DIAPH2: variants seen among roughly 807,000 people sequenced by gnomAD.
DIAPH2 encodes the protein protein diaphanous homolog 2.
DIAPH2 carries 35 observed loss-of-function variants against 92.7 expected under a neutral mutation model. The observed-to-expected ratio is 0.38, with a 90% CI of 0.29 to 0.50. The LOEUF (loss-of-function observed/expected upper bound fraction) is 0.50. Ranked by LOEUF, DIAPH2 falls within the 20% of genes least tolerant of loss-of-function variation. DIAPH2 has a pLI of 0.94. For synonymous variants in DIAPH2, 301 were observed against 280.4 expected, an observed-to-expected ratio of 1.07 and a Z score of -0.73; for missense variants, 701 against 819.5, an observed-to-expected ratio of 0.86 and a Z score of 1.77.
At chrX:97,139,299 A>C (rs2067193675) in intron 21 of DIAPH2, among the ~76,000 whole-genome samples, 1 of 108,145 alleles carries the variant, frequency 9.2e-6, no homozygotes, top group Non-Finnish European at 1.9e-5. Context: ...ATAAGTAAAA[A>C]ATATTTTCCA....
At chrX:97,102,890 A>G (rs1401888452) in intron 20 of DIAPH2, among the ~76,000 whole-genome samples, 1 of 111,443 alleles carries the variant, frequency 9.0e-6, no homozygotes, top group Non-Finnish European at 1.9e-5. Context: ...CAGTGAGCTG[A>G]CATCAGGCCA....
At chrX:97,052,078 A>G (rs1458631335) in intron 17 of DIAPH2, among the ~76,000 whole-genome samples, 1 of 111,517 alleles carries the variant, frequency 9.0e-6, no homozygotes, top group East Asian at 2.8e-4. Context: ...TAGGAGCTTA[A>G]TGTTCAAGAA....
intron 17 of DIAPH2, among the ~76,000 whole-genome samples, chrX:97,066,996 G>C (rs2066638181): frequency 9.0e-6 from 1 of 111,543 alleles, no homozygotes; most frequent in Non-Finnish European, 1.9e-5. Context: ...GTACTATGCA[G>C]GTGTCAGAAT....
intron 4 of DIAPH2, among the ~76,000 whole-genome samples, chrX:96,867,366 G>A (rs937172538): frequency 2.7e-4 from 30 of 110,687 alleles, no homozygotes; most frequent in African/African-American, 8.2e-4. Flanking sequence ...TTACAGGCGC[G>A]TGCCACCATG....
At chrX:96,686,286 G>A (rs1465017064) in intron 1 of DIAPH2, among the ~76,000 whole-genome samples, 1 of 111,260 alleles carries the variant, frequency 9.0e-6, no homozygotes, top group Non-Finnish European at 1.9e-5. Context: ...CAAAACTGTG[G>A]TTTAATCAGT....
Position 96,935,346 on chromosome X carries a change from A to G in DIAPH2, c.1090-1887A>G, listed in dbSNP as rs1461333314. On this transcript the variant is annotated intron_variant, in intron 10 of 26. Transcript: ENST00000324765. ...GGAAGTTTCATAAAGATAAACATAT[A>G]TATGTGTATGTATATATGAATATAT... Among the ~76,000 whole-genome samples, 2 of 111,558 alleles carry G rather than the reference A, an allele frequency of 1.8e-5. 1 individual carries two copies. Among genetic ancestry groups the G allele is most frequent in the African/African-American group, 6.5e-5 (2 of 30,786 alleles).
At chrX:97,048,722 A>G (rs2066500756) in intron 17 of DIAPH2, among the ~76,000 whole-genome samples, 1 of 110,039 alleles carries the variant, frequency 9.1e-6, no homozygotes, top group Non-Finnish European at 1.9e-5. Context: ...TGTAAGCAAG[A>G]CCTCTCCTTT....
chrX:96,831,151 T>A (rs981732563), intron 4 of DIAPH2, among the ~76,000 whole-genome samples: 1 of 111,539 alleles, frequency 9.0e-6, no homozygotes, highest in African/African-American at 3.3e-5. Context: ...GGATGCCTTT[T>A]CCCTAGGTTT....
At chrX:97,176,639 T>C (rs1474065814) in intron 22 of DIAPH2, among the ~76,000 whole-genome samples, 2 of 111,280 alleles carry the variant, frequency 1.8e-5, no homozygotes, top group Non-Finnish European at 3.8e-5. Context: ...GCCATTGTCC[T>C]GCCTCAGCCT....
chrX:97,476,364 G>A (rs751059876), intron 26 of DIAPH2, among the ~76,000 whole-genome samples: 1 of 111,901 alleles, frequency 8.9e-6, no homozygotes, highest in Non-Finnish European at 1.9e-5. Context: ...AAAAATGAGT[G>A]AAGTTCAGCT....
intron 4 of DIAPH2, among the ~76,000 whole-genome samples, chrX:96,825,354 C>CTTTTT (rs57788752): frequency 1.2e-5 from 1 of 82,579 alleles, no homozygotes; most frequent in African/African-American, 4.1e-5. Flanking sequence ...CATGTGTTTT[C>CTTTTT]TTTTTTTTTT....
At chrX:97,349,052 T>A (rs5921796) in intron 24 of DIAPH2, among the ~76,000 whole-genome samples, 4 of 101,247 alleles carry the variant, frequency 4.0e-5, no homozygotes, top group African/African-American at 1.5e-4. Context: ...ATATGTGTAT[T>A]TATATATGTG....
At chrX:97,437,938 T>C (rs1602589202) in intron 26 of DIAPH2, among the ~76,000 whole-genome samples, 2 of 105,797 alleles carry the variant, frequency 1.9e-5, no homozygotes, top group African/African-American at 6.9e-5. Flanking sequence ...ATTTAAGAGG[T>C]AAATAGAGAA....
chrX:97,101,696 T>C (rs753330359), intron 20 of DIAPH2, among the ~76,000 whole-genome samples: 179 of 112,288 alleles, frequency 1.6e-3, no homozygotes, highest in African/African-American at 5.4e-3. Flanking sequence ...TAGAACAATA[T>C]CATGTATTAA....
chrX:97,110,072 G>A (rs778577756), intron 20 of DIAPH2, among the ~76,000 whole-genome samples: 1 of 112,005 alleles, frequency 8.9e-6, no homozygotes, highest in East Asian at 2.8e-4. Flanking sequence ...AAATATTACT[G>A]TCAGCTATTA....
intron 23 of DIAPH2, among the ~76,000 whole-genome samples, chrX:97,330,657 C>T (rs930748556): frequency 5.5e-5 from 6 of 109,488 alleles, no homozygotes; most frequent in East Asian, 2.9e-4. Context: ...GGATTACAGG[C>T]GCCCGCCACC....
chrX:97,403,978 C>T (rs773701739), intron 25 of DIAPH2, among the ~76,000 whole-genome samples: 4 of 109,852 alleles, frequency 3.6e-5, no homozygotes, highest in Non-Finnish European at 5.7e-5. Context: ...CTTAGCCTCC[C>T]GTGTAGCTGG....
chrX:97,438,745 G>C (rs999279100), intron 26 of DIAPH2, among the ~76,000 whole-genome samples: 1 of 110,823 alleles, frequency 9.0e-6, no homozygotes, highest in Non-Finnish European at 1.9e-5. Flanking sequence ...AGATTTGAGG[G>C]AAAGAAAAGT....
intron 26 of DIAPH2, among the ~76,000 whole-genome samples, chrX:97,583,208 T>C (rs2071453076): frequency 8.9e-6 from 1 of 112,556 alleles, no homozygotes; most frequent in East Asian, 2.8e-4. Context: ...TTTGTTCTGC[T>C]GCTGGTGAGG....
Sources: allele counts gnomAD v4.1 joint callset (sites outside exome capture counted in the v4.1 genomes callset), GRCh38; gene constraint gnomAD v4.1.1; transcripts MANE v1.5; gene names NCBI Gene and HGNC (gene_info 2026-07-23, HGNC 2026-07-21).